The following FHIP1A variants were observed in gnomAD, a reference collection of about 807,000 sequenced individuals.
The protein encoded by FHIP1A is FHF complex subunit HOOK interacting protein 1A, also known as FHF complex subunit HOOK-interacting protein 1A.
FHIP1A carries 61 observed loss-of-function variants against 88.6 expected under a neutral mutation model. That is an observed-to-expected ratio of 0.69 (90% CI 0.56 to 0.85). The LOEUF is 0.85. FHIP1A is among the 40% of genes least tolerant of loss of function. FHIP1A has a pLI of 0.00. For missense variants in FHIP1A, 1,154 were observed against 1,273.5 expected, an observed-to-expected ratio of 0.91 and a Z score of 1.43; for synonymous variants, 478 against 496.0, an observed-to-expected ratio of 0.96 and a Z score of 0.48.
intron 5 of FHIP1A, among the ~76,000 whole-genome samples, chr4:151,583,731 G>A (rs1346135877): frequency 6.6e-6 from 1 of 152,132 alleles, no homozygotes; most frequent in Non-Finnish European, 1.5e-5. Flanking sequence ...AAATGTAATT[G>A]ATTTAAAAAA....
In FHIP1A at chr4:151,437,958, A is replaced by G. The variant is rs577305624; in HGVS notation, c.-355-16743A>G. Among the ~76,000 whole-genome samples the G allele has an allele frequency of 1.1e-4, 16 of 152,306 alleles. No individual in the cohort carries two copies. The South Asian group carries it at 3.3e-3, about 32-fold the overall frequency. On this transcript the variant is annotated intron_variant, in intron 1 of 13. Transcript: ENST00000435205. ...ATCAGTATGTGTTGTATGTTATTCA[A>G]GTCATGATTCTAATAGTAAAATCTT...
chr4:151,514,593 T>C (rs1731158656), intron 3 of FHIP1A, among the ~76,000 whole-genome samples: 1 of 151,894 alleles, frequency 6.6e-6, no homozygotes, highest in Admixed American at 6.6e-5. Flanking sequence ...AAGAATCAAA[T>C]AGACACAATA....
intron 7 of FHIP1A, among the ~76,000 whole-genome samples, chr4:151,613,703 C>T (rs896039605): frequency 6.6e-6 from 1 of 152,170 alleles, no homozygotes; most frequent in African/African-American, 2.4e-5. Context: ...TGGTGGTCCA[C>T]AGCCTGGTGC....
intron 11 of FHIP1A, among the ~76,000 whole-genome samples, chr4:151,654,411 A>G (rs1190008706): frequency 1.3e-5 from 2 of 152,102 alleles, no homozygotes; most frequent in African/African-American, 4.8e-5. Context: ...TTGTAGGCCA[A>G]GCACAGTCTG....
At chr4:151,459,093 GAAC>G (rs1729061777) in intron 2 of FHIP1A, among the ~76,000 whole-genome samples, 1 of 152,126 alleles carries the variant, frequency 6.6e-6, no homozygotes, top group African/African-American at 2.4e-5. Context: ...AGCTGCATGT[GAAC>G]ATAAACCCTG....
chr4:151,411,252 G>A (rs1451432300), intron 1 of FHIP1A, among the ~76,000 whole-genome samples: 1 of 151,766 alleles, frequency 6.6e-6, no homozygotes, highest in Non-Finnish European at 1.5e-5. Flanking sequence ...GATAATGACT[G>A]CAAACAAGAA....
At chr4:151,560,079 C>T (rs1226765036) in intron 3 of FHIP1A, among the ~76,000 whole-genome samples, 2 of 152,090 alleles carry the variant, frequency 1.3e-5, no homozygotes, top group Non-Finnish European at 2.9e-5. Flanking sequence ...AAACTACAGC[C>T]ACCTCTCTTC....
intron 3 of FHIP1A, among the ~76,000 whole-genome samples, chr4:151,545,568 G>T (rs187131168): frequency 6.6e-5 from 10 of 151,554 alleles, no homozygotes; most frequent in Admixed American, 1.3e-4. Context: ...TAGTAGAGAT[G>T]GGGTTTCACC....
intron 8 of FHIP1A, among the ~76,000 whole-genome samples, chr4:151,633,932 A>G (rs989891835): frequency 6.6e-6 from 1 of 152,012 alleles, no homozygotes; most frequent in East Asian, 1.9e-4. Flanking sequence ...AGCCAGAGCA[A>G]TTAGGCAAGA....
At chr4:151,523,470 C>T (rs1436328392) in intron 3 of FHIP1A, among the ~76,000 whole-genome samples, 1 of 152,094 alleles carries the variant, frequency 6.6e-6, no homozygotes. Context: ...TTAGGGATCC[C>T]GAAGGGAATG....
At chr4:151,568,765 A>G (rs1733486925) in intron 4 of FHIP1A, among the ~76,000 whole-genome samples, 1 of 152,200 alleles carries the variant, frequency 6.6e-6, no homozygotes, top group African/African-American at 2.4e-5. Flanking sequence ...GAATGGAGAA[A>G]GTGAGATTTT....
chr4:151,492,309 C>T (rs1391416709), intron 3 of FHIP1A, among the ~76,000 whole-genome samples: 2 of 151,928 alleles, frequency 1.3e-5, no homozygotes, highest in Non-Finnish European at 2.9e-5. Context: ...TTGTGTAATC[C>T]CAGCCACTTT....
At chr4:151,582,220 A>C (rs1560781870) in intron 5 of FHIP1A, among the ~76,000 whole-genome samples, 1 of 152,188 alleles carries the variant, frequency 6.6e-6, no homozygotes, top group Non-Finnish European at 1.5e-5. Context: ...AGTCCCTACC[A>C]GGTGTTATGC....
At chr4:151,600,747 T>C (rs1734837647) in intron 7 of FHIP1A, among the ~76,000 whole-genome samples, 1 of 152,022 alleles carries the variant, frequency 6.6e-6, no homozygotes, top group South Asian at 2.1e-4. Flanking sequence ...CCACACAGCC[T>C]CTCCACAGGG....
chr4:151,524,152 A>G lies in FHIP1A; in HGVS notation c.-123+41504A>G, dbSNP rs1011692825. The stretch of plus-strand genomic sequence containing the variant: ...CAGTGAAACCCTGTCTCTACAAAAA[A>G]TTAGCTGGGCGTGGTGGCACGCGCC... On this transcript the variant is annotated intron_variant, in intron 3 of 13. Transcript: ENST00000435205. Among the ~76,000 whole-genome samples the G allele has an allele frequency of 3.9e-5, 6 of 152,142 alleles. No individual in the cohort carries two copies. In the East Asian group the frequency reaches 5.8e-4, roughly 15 times the overall value.
At chr4:151,459,257 A>G (rs1729069304) in intron 2 of FHIP1A, among the ~76,000 whole-genome samples, 1 of 152,184 alleles carries the variant, frequency 6.6e-6, no homozygotes, top group South Asian at 2.1e-4. Context: ...AAAAGTGAAT[A>G]TACTACAAAA....
Position 151,588,859 on chromosome 4 carries a change from G to T in FHIP1A, c.911G>T (p.Arg304Leu), listed in dbSNP as rs112244723. The T allele has an allele frequency of 3.2e-6, 5 of 1,551,098 alleles. No individual in the cohort carries two copies. Among genetic ancestry groups the T allele is most frequent in the Non-Finnish European group, 4.4e-6 (5 of 1,146,624 alleles). The change falls in exon 7 of 14, where the codon CGA (arginine) becomes CTA (leucine). Residue 304 changes from arginine (R) to leucine (L), a missense_variant. Arg to Leu is a moderately radical substitution (Grantham distance 102, BLOSUM62 -2). Transcript: ENST00000435205. Reference protein sequence around the residue: ...AVIQVAHPLIRNQLVNYIYNG... With the variant: ...AVIQVAHPLILNQLVNYIYNG... ...TCTCAGGTGGCTCACCCCTTGATTC[G>T]AAATCAGCTTGTCAATTACATTTAC...
At chr4:151,464,014 T>C (rs915619936) in intron 2 of FHIP1A, among the ~76,000 whole-genome samples, 3 of 152,158 alleles carry the variant, frequency 2.0e-5, no homozygotes, top group Non-Finnish European at 1.5e-5. Flanking sequence ...GTCAGCCTCC[T>C]TAGCCAGTTT....
At chr4:151,414,643 G>A (rs1732816148) in intron 1 of FHIP1A, among the ~76,000 whole-genome samples, 2 of 152,116 alleles carry the variant, frequency 1.3e-5, no homozygotes, top group South Asian at 4.2e-4. Flanking sequence ...AGATGCTAAG[G>A]GGACTTTTCC....
Sources: gnomAD v4.1 joint callset for allele counts (sites outside exome capture counted in the v4.1 genomes callset) on GRCh38, gnomAD v4.1.1 for gene constraint, MANE v1.5 for transcripts, NCBI Gene and HGNC (gene_info 2026-07-23, HGNC 2026-07-21) for gene names.